Variants in GRIA1 observed in about 807,000 individuals in gnomAD.
GRIA1 encodes the protein glutamate receptor 1.
GRIA1 carries 31 observed loss-of-function variants against 99.2 expected under a neutral mutation model. The observed-to-expected ratio is 0.31, with a 90% CI of 0.23 to 0.42. The LOEUF (loss-of-function observed/expected upper bound fraction) is 0.42, where lower values mean the gene tolerates loss of function less well. Among genes scored for constraint, GRIA1 ranks in the 10% least tolerant of loss-of-function variants. The probability of loss-of-function intolerance (pLI) is 1.00; values close to 1 mark genes in which losing one functional copy is unlikely to be tolerated. For missense variants in GRIA1, 782 were observed against 1,157.5 expected (o/e 0.68, Z 4.71); for synonymous variants, 438 against 432.4 (o/e 1.01, Z -0.16).
At chr5:153,701,641 A>AAAAAAAC (rs1758535003) in intron 10 of GRIA1, among the ~76,000 whole-genome samples, 1 of 149,458 alleles carries the variant, frequency 6.7e-6, no homozygotes, top group Non-Finnish European at 1.5e-5. Context: ...AAAAAAAAAA[A>AAAAAAAC]ATACTATGTT....
intron 2 of GRIA1, among the ~76,000 whole-genome samples, chr5:153,513,871 T>C (rs1174113357): frequency 6.6e-6 from 1 of 152,174 alleles, no homozygotes. Flanking sequence ...TTAATAACAA[T>C]CCCTATCACA....
rs755294604 is a variant in GRIA1, at chr5:153,652,308, A to G, written c.645+1794A>G. On this transcript the variant is annotated intron_variant, in intron 4 of 15. Coordinates refer to ENST00000285900, the MANE Select transcript of GRIA1 (RefSeq NM_000827.4). ...CAGATGACCTATTGTATATTGTTCT[A>G]TGGTACAGACAGTAGCTATTACTAC... Among the ~76,000 whole-genome samples the G allele has an allele frequency of 2.0e-4, 31 of 152,360 alleles. No homozygotes were observed. The Middle Eastern group carries it at 0.01, about 50-fold the overall frequency.
At chr5:153,744,097 G>A (rs1387907570) in intron 11 of GRIA1, among the ~76,000 whole-genome samples, 1 of 152,098 alleles carries the variant, frequency 6.6e-6, no homozygotes, top group Non-Finnish European at 1.5e-5. Flanking sequence ...CTCAGAGCAG[G>A]CCCAGAGCCG....
chr5:153,602,100 A>G lies in GRIA1; in HGVS notation c.221-44828A>G, dbSNP rs565707060. On this transcript the variant is annotated intron_variant, in intron 2 of 15. Transcript: ENST00000285900. Reference sequence around the variant, plus strand: ...GCACACTTATGTTTATTGCAGCACTATTCACAATAGCAAAGACTTGGAACC... The same window carrying G: ...GCACACTTATGTTTATTGCAGCACTGTTCACAATAGCAAAGACTTGGAACC... 1.4e-4 allele frequency among the ~76,000 whole-genome samples: 21 copies of G among 152,356 alleles called. No individual in the cohort carries two copies. In the East Asian group the frequency reaches 3.9e-3, roughly 28 times the overall value.
At chr5:153,628,792 T>C (rs1437677249) in intron 2 of GRIA1, among the ~76,000 whole-genome samples, 1 of 152,230 alleles carries the variant, frequency 6.6e-6, no homozygotes, top group Admixed American at 6.5e-5. Flanking sequence ...TATAATTTCC[T>C]CTTCCTGTTC....
chr5:153,739,827 G>A (rs1561817637), intron 11 of GRIA1, among the ~76,000 whole-genome samples: 1 of 152,090 alleles, frequency 6.6e-6, no homozygotes, highest in Non-Finnish European at 1.5e-5. Context: ...TTTTTAATCT[G>A]CCATAGCTTT....
At chr5:153,708,373 A>G (rs1759067618) in intron 11 of GRIA1, among the ~76,000 whole-genome samples, 1 of 152,066 alleles carries the variant, frequency 6.6e-6, no homozygotes, top group African/African-American at 2.4e-5. Context: ...GGATTTTCAA[A>G]CTATGCTTTC....
At position 153,607,068 on chromosome 5, in the gene GRIA1, T is replaced by TATATATATATATATATATATATATAA. The variant is rs1491415058; in HGVS notation, c.221-39859_221-39858insTATATATATATATATATATATATAAA. Among the ~76,000 whole-genome samples, 316 of 140,336 alleles carry TATATATATATATATATATATATATAA rather than the reference T, an allele frequency of 2.3e-3. 3 individuals carry two copies. The highest frequency in any genetic ancestry group is 3.4e-3 in the Non-Finnish European group (217 of 63,930). 92.1% of individuals were successfully genotyped at this position (140,336 alleles called of 152,430 possible). On this transcript the variant is annotated intron_variant, in intron 2 of 15. Coordinates refer to ENST00000285900, the MANE Select transcript of GRIA1 (RefSeq NM_000827.4). ...ATATATATATATATATATATATATA[T>TATATATATATATATATATATATATAA]AATCACAGTTTCTTTATCCACTCGT...
intron 2 of GRIA1, among the ~76,000 whole-genome samples, chr5:153,630,621 C>T (rs1395051677): frequency 6.6e-6 from 1 of 152,138 alleles, no homozygotes; most frequent in Non-Finnish European, 1.5e-5. Flanking sequence ...GAGTGAAGTC[C>T]CCTCCCTCCC....
intron 5 of GRIA1, among the ~76,000 whole-genome samples, chr5:153,658,733 A>C (rs1414835323): frequency 6.6e-6 from 1 of 152,192 alleles, no homozygotes; most frequent in Non-Finnish European, 1.5e-5. Context: ...AGAGTTAGAG[A>C]CCAAGGAAGG....
At chr5:153,568,493 A>G (rs1761847287) in intron 2 of GRIA1, among the ~76,000 whole-genome samples, 1 of 152,164 alleles carries the variant, frequency 6.6e-6, no homozygotes, top group South Asian at 2.1e-4. Flanking sequence ...AGTGATTCAA[A>G]TGGTTTTTTT....
chr5:153,672,095 T>A (rs1756225902), intron 5 of GRIA1, among the ~76,000 whole-genome samples: 1 of 152,116 alleles, frequency 6.6e-6, no homozygotes, highest in African/African-American at 2.4e-5. Context: ...CTACAAAGTT[T>A]CATAAACAAG....
At chr5:153,797,974 TC>T (rs1765754336) in intron 14 of GRIA1, among the ~76,000 whole-genome samples, 1 of 152,178 alleles carries the variant, frequency 6.6e-6, no homozygotes, top group Non-Finnish European at 1.5e-5. Flanking sequence ...AAAGGCATGA[TC>T]CCAGACCCTC....
At chr5:153,508,976 A>T (rs1366256409) in intron 2 of GRIA1, among the ~76,000 whole-genome samples, 3 of 152,170 alleles carry the variant, frequency 2.0e-5, no homozygotes, top group Non-Finnish European at 4.4e-5. Context: ...CAGGAGCACA[A>T]GAGGCTAAGC....
In GRIA1 at chr5:153,647,157, T is replaced by G; in HGVS notation, c.450T>G (p.Asp150Glu). The G allele has an allele frequency of 3.1e-6, 5 of 1,613,874 alleles. No individual in the cohort carries two copies. The highest frequency in any genetic ancestry group is 4.2e-6 in the Non-Finnish European group (5 of 1,179,846). Reference sequence around the variant, plus strand: ...GGCAGAAATTTGTCTACATTTATGATGCCGACCGGGGTAAGCCAAGGGTTA... The same window carrying G: ...GGCAGAAATTTGTCTACATTTATGAGGCCGACCGGGGTAAGCCAAGGGTTA... ...YKWQKFVYIY[D>E]ADRGLSVLQK... Residue 150 changes from aspartate to glutamate, a missense_variant, in exon 3 of 16, where the codon GAT becomes GAG. Coordinates refer to ENST00000285900, the MANE Select transcript of GRIA1 (RefSeq NM_000827.4).
chr5:153,631,078 T>C (rs1752925856), intron 2 of GRIA1, among the ~76,000 whole-genome samples: 1 of 152,210 alleles, frequency 6.6e-6, no homozygotes, highest in South Asian at 2.1e-4. Flanking sequence ...TTACTTGACA[T>C]TGATTGAACC....
At chr5:153,510,418 T>C (rs774365353) in intron 2 of GRIA1, among the ~76,000 whole-genome samples, 6 of 152,216 alleles carry the variant, frequency 3.9e-5, no homozygotes, top group Non-Finnish European at 8.8e-5. Flanking sequence ...TAGTTTAAAG[T>C]TGCCTTGATC....
At position 153,677,009 on chromosome 5, in the gene GRIA1, A is replaced by G; in HGVS notation, c.877A>G (p.Thr293Ala). ...WKRPKYTSAL[T>A]YDGVKVMAEA... The stretch of plus-strand genomic sequence containing the variant: ...CTCCCACTAGTACACCTCTGCGCTC[A>G]CCTACGATGGGGTGAAGGTGATGGC... Residue 293 changes from threonine to alanine, a missense_variant, in exon 7 of 16, where the codon ACC becomes GCC. This residue lies in a region of GRIA1 where 461 missense variants were observed against 521.7 expected (regional missense o/e 0.88). Coordinates refer to ENST00000285900, the MANE Select transcript of GRIA1 (RefSeq NM_000827.4). 6.7e-7 allele frequency: 1 copy of G among 1,502,232 alleles called. No individual in the cohort carries two copies. The highest frequency in any genetic ancestry group is 9.0e-7 in the Non-Finnish European group (1 of 1,116,766). 93.1% of individuals were successfully genotyped at this position (1,502,232 alleles called of 1,614,324 possible). A position where few individuals can be genotyped will look rare whatever the true frequency, so the allele number is the denominator to read the frequency against.
At chr5:153,631,698 T>C (rs560335105) in intron 2 of GRIA1, among the ~76,000 whole-genome samples, 2 of 152,144 alleles carry the variant, frequency 1.3e-5, no homozygotes, top group Non-Finnish European at 2.9e-5. Context: ...TGTTTTAAGT[T>C]TTTTTGGTAT....
Sources: gnomAD v4.1 joint callset for allele counts (sites outside exome capture counted in the v4.1 genomes callset) on GRCh38, gnomAD v4.1.1 for gene constraint, gnomAD v4.1.1 regional missense constraint, MANE v1.5 for transcripts, NCBI Gene and HGNC (gene_info 2026-07-23, HGNC 2026-07-21) for gene names.